CPNE8: variants seen among roughly 807,000 people sequenced by gnomAD.
CPNE8 encodes copine-8.
CPNE8 carries 45 observed loss-of-function variants against 81.5 expected under a neutral mutation model. That is an observed-to-expected ratio of 0.55 (90% CI 0.44 to 0.71). CPNE8 has a LOEUF of 0.71. Ranked by LOEUF, CPNE8 falls within the 30% of genes least tolerant of loss-of-function variation. The pLI is 0.00. For missense variants in CPNE8, 594 were observed against 672.1 expected (o/e 0.88, Z 1.28); for synonymous variants, 252 against 226.3 (o/e 1.11, Z -1.02).
Position 38,786,403 on chromosome 12 carries a change from T to C in CPNE8, c.408-10102A>G, listed in dbSNP as rs113655927. Among the ~76,000 whole-genome samples the C allele has an allele frequency of 3.0e-3, 462 of 152,220 alleles. 4 individuals carry two copies. Among genetic ancestry groups the C allele is most frequent in the African/African-American group, 0.01 (426 of 41,542 alleles). On this transcript the variant is annotated intron_variant, in intron 6 of 19. Coordinates refer to ENST00000331366, the MANE Select transcript of CPNE8 (RefSeq NM_153634.3). ...TCATCAGCTGCCTGTGCAGATAGAA[T>C]GTAAGTAGGCAGAAAAATGTGTAAA...
intron 10 of CPNE8, among the ~76,000 whole-genome samples, chr12:38,756,290 T>C (rs1052276954): frequency 6.6e-5 from 10 of 151,646 alleles, no homozygotes; most frequent in African/African-American, 2.4e-4. Flanking sequence ...ATTACAACAA[T>C]TGTCTGAAAT....
intron 6 of CPNE8, among the ~76,000 whole-genome samples, chr12:38,796,612 G>C (rs1032531351): frequency 2.4e-4 from 37 of 152,154 alleles, no homozygotes; most frequent in African/African-American, 8.9e-4. Context: ...CTCCCAGCGT[G>C]AGTGACGCAG....
chr12:38,710,790 G>C (rs565910145), intron 13 of CPNE8, among the ~76,000 whole-genome samples: 54 of 152,126 alleles, frequency 3.5e-4, no homozygotes, highest in Admixed American at 1.0e-3. Flanking sequence ...TACACTGTCT[G>C]TACAGAACTC....
At chr12:38,815,743 T>C (rs1943013769) in intron 6 of CPNE8, among the ~76,000 whole-genome samples, 1 of 152,152 alleles carries the variant, frequency 6.6e-6, no homozygotes, top group Non-Finnish European at 1.5e-5. Flanking sequence ...TTAGACTAAA[T>C]GGGATCTCAT....
intron 6 of CPNE8, among the ~76,000 whole-genome samples, chr12:38,780,226 G>A (rs1942022102): frequency 6.6e-6 from 1 of 152,078 alleles, no homozygotes; most frequent in African/African-American, 2.4e-5. Context: ...GACTATATAT[G>A]TTTGGATTAG....
chr12:38,665,598 T>C (rs895061775), intron 19 of CPNE8, among the ~76,000 whole-genome samples: 1 of 152,178 alleles, frequency 6.6e-6, no homozygotes, highest in Non-Finnish European at 1.5e-5. Context: ...CATTAGTGAT[T>C]TTCAAGTCTA....
chr12:38,670,733 A>T lies in CPNE8; in HGVS notation c.1502T>A (p.Val501Glu). 6.2e-7 allele frequency: 1 copy of T among 1,603,980 alleles called. No individual in the cohort carries two copies. Among genetic ancestry groups the T allele is most frequent in the Non-Finnish European group, 8.5e-7 (1 of 1,173,076 alleles). ...SRGKYAERDI[V>E]QFVPFRDYID... ...AGGAAAAGGTTTATTTCTTACCTGCACAATGTCTCTTTCAGCATATTTTCC... is the reference window on the plus strand; with the variant it reads ...AGGAAAAGGTTTATTTCTTACCTGCTCAATGTCTCTTTCAGCATATTTTCC... The change falls in exon 19 of 20, where the codon GTG becomes GAG. Residue 501 changes from valine (V) to glutamate (E), a missense_variant. By Grantham distance (121) the Val-to-Glu change is moderately radical (BLOSUM62 -2). Coordinates refer to ENST00000331366, the MANE Select transcript of CPNE8 (RefSeq NM_153634.3).
Position 38,662,789 on chromosome 12 carries a change from G to A in CPNE8, c.1506+7940C>T, listed in dbSNP as rs1938987351. Among the ~76,000 whole-genome samples, 2 of 152,064 alleles carry A rather than the reference G, an allele frequency of 1.3e-5. 1 individual carries two copies. The highest frequency in any genetic ancestry group is 4.1e-4 in the South Asian group (2 of 4,832). Reference sequence around the variant, plus strand: ...ACAGAAAGGCACTGGCATAAAAACAGACACATAGACCAATGGAACAGAATA... The same window carrying A: ...ACAGAAAGGCACTGGCATAAAAACAAACACATAGACCAATGGAACAGAATA... On this transcript the variant is annotated intron_variant, in intron 19 of 19. Transcript: ENST00000331366.
chr12:38,816,804 G>T (rs1448066149), intron 6 of CPNE8, among the ~76,000 whole-genome samples: 2 of 152,310 alleles, frequency 1.3e-5, no homozygotes, highest in Non-Finnish European at 2.9e-5. Flanking sequence ...ACCTCAAACT[G>T]TGAAAGAATT....
At chr12:38,686,953 T>G (rs1432424684) in intron 15 of CPNE8, among the ~76,000 whole-genome samples, 1 of 152,196 alleles carries the variant, frequency 6.6e-6, no homozygotes, top group Non-Finnish European at 1.5e-5. Flanking sequence ...TAAGTCTAGT[T>G]CACACTTGAG....
At chr12:38,895,920 G>A (rs1375328545) in intron 1 of CPNE8, among the ~76,000 whole-genome samples, 4 of 151,982 alleles carry the variant, frequency 2.6e-5, no homozygotes, top group African/African-American at 9.7e-5. Flanking sequence ...TACTAGATAC[G>A]TGACTTAAAC....
At chr12:38,671,524 GTTTA>G (rs1442638648) in intron 18 of CPNE8, among the ~76,000 whole-genome samples, 1 of 152,118 alleles carries the variant, frequency 6.6e-6, no homozygotes, top group African/African-American at 2.4e-5. Flanking sequence ...ATTTTCTAGG[GTTTA>G]TTAAGTTTTC....
At position 38,851,250 on chromosome 12, in the gene CPNE8, C is replaced by T. The variant is rs534995583; in HGVS notation, c.187-2588G>A. Among the ~76,000 whole-genome samples, 4 of 152,324 alleles carry T rather than the reference C, an allele frequency of 2.6e-5. No individual in the cohort carries two copies. The East Asian group carries it at 7.7e-4, about 29-fold the overall frequency. ...ATGATAACTTCCAAAGGCATGTCAT[C>T]AGCTCTGAGACTCACTTCTGGGTAT... On this transcript the variant is annotated intron_variant, in intron 3 of 19. Transcript: ENST00000331366.
chr12:38,658,810 G>A (rs780221645), intron 19 of CPNE8, among the ~76,000 whole-genome samples: 1 of 152,118 alleles, frequency 6.6e-6, no homozygotes, highest in Non-Finnish European at 1.5e-5. Flanking sequence ...AGCTTCATAA[G>A]TGAAGGAGAA....
At chr12:38,796,425 G>A (rs1006053588) in intron 6 of CPNE8, among the ~76,000 whole-genome samples, 13 of 152,118 alleles carry the variant, frequency 8.5e-5, no homozygotes, top group Non-Finnish European at 1.6e-4. Flanking sequence ...AAAGATTGAT[G>A]ATTTCACATT....
chr12:38,869,695 A>C (rs759131967), intron 3 of CPNE8, among the ~76,000 whole-genome samples: 1 of 152,106 alleles, frequency 6.6e-6, no homozygotes, highest in Non-Finnish European at 1.5e-5. Flanking sequence ...TTCTGAAACT[A>C]TGTTGAAAAT....
At chr12:38,740,441 G>A (rs1257885919) in intron 10 of CPNE8, among the ~76,000 whole-genome samples, 11 of 152,190 alleles carry the variant, frequency 7.2e-5, no homozygotes, top group African/African-American at 2.7e-4. Context: ...TTGAATAGGA[G>A]TGGTGAGAGA....
upstream of CPNE8, chr12:38,905,645 G>T (rs1592169271): frequency 6.7e-7 from 1 of 1,499,696 alleles, no homozygotes; most frequent in Non-Finnish European, 8.9e-7. Flanking sequence ...GGCAGAAGAA[G>T]GAGGCGGAGG....
intron 6 of CPNE8, among the ~76,000 whole-genome samples, chr12:38,781,866 G>A (rs1942060897): frequency 6.6e-6 from 1 of 151,924 alleles, no homozygotes. Flanking sequence ...CAAATTTAGG[G>A]ACATTCTACA....
Sources: allele counts gnomAD v4.1 joint callset (sites outside exome capture counted in the v4.1 genomes callset), GRCh38; gene constraint gnomAD v4.1.1; transcripts MANE v1.5; gene names NCBI Gene and HGNC (gene_info 2026-07-23, HGNC 2026-07-21).